SIK3: variants seen among roughly 807,000 people sequenced by gnomAD.
The protein encoded by SIK3 is serine/threonine-protein kinase SIK3.
SIK3 carries 28 observed loss-of-function variants against 144.2 expected under a neutral mutation model. That is an observed-to-expected ratio of 0.19 (90% CI 0.14 to 0.27). SIK3 has a LOEUF of 0.27. Among genes scored for constraint, SIK3 ranks in the 10% least tolerant of loss-of-function variants. The pLI, the probability that SIK3 is intolerant of heterozygous loss-of-function variation, is 1.00. For synonymous variants in SIK3, 686 were observed against 676.3 expected, an observed-to-expected ratio of 1.01 and a Z score of -0.22; for missense variants, 1,319 against 1,776.0, an observed-to-expected ratio of 0.74 and a Z score of 4.62.
rs1409697882 is a variant in SIK3 at position 116,849,560 on chromosome 11, TGA to T, written c.3656-279_3656-278del. On this transcript the variant is annotated intron_variant, in intron 21 of 24. Transcript: ENST00000445177. The surrounding 1 kb of genome is among the most constrained non-coding windows in gnomAD (Gnocchi z 4.2). ...ACCTTCTCTTCTTTCATTTCTCTGTTGAATTAACAGTGATCTATTCCCAAACC... is the reference window on the plus strand; with the variant it reads ...ACCTTCTCTTCTTTCATTTCTCTGTTATTAACAGTGATCTATTCCCAAACC... 6.6e-6 allele frequency among the ~76,000 whole-genome samples: 1 copy of T among 152,160 alleles called. No individual in the cohort carries two copies. Among genetic ancestry groups the T allele is most frequent in the Non-Finnish European group, 1.5e-5 (1 of 68,034 alleles).
Position 117,074,202 on chromosome 11 carries a change from T to C in SIK3, c.273+23941A>G, listed in dbSNP as rs535565591. On this transcript the variant is annotated intron_variant, in intron 1 of 24. Transcript: ENST00000445177. Reference sequence around the variant, plus strand: ...CTCTGCCAGTGCCTAAGTGCCTTTATGTCCCTGTAACAGGCTGATGTCCAG... The same window carrying C: ...CTCTGCCAGTGCCTAAGTGCCTTTACGTCCCTGTAACAGGCTGATGTCCAG... Among the ~76,000 whole-genome samples, 4 of 152,362 alleles carry C rather than the reference T, an allele frequency of 2.6e-5. No individual in the cohort carries two copies. In the East Asian group the frequency reaches 7.7e-4, roughly 29 times the overall value.
intron 1 of SIK3, among the ~76,000 whole-genome samples, chr11:116,970,721 G>A (rs919789893): frequency 6.6e-6 from 1 of 152,112 alleles, no homozygotes; most frequent in African/African-American, 2.4e-5. Flanking sequence ...TGTGATAATA[G>A]CTCACTGCAG....
At chr11:116,966,401 A>G (rs188303817) in intron 1 of SIK3, among the ~76,000 whole-genome samples, 6 of 152,184 alleles carry the variant, frequency 3.9e-5, no homozygotes, top group African/African-American at 7.2e-5. Context: ...TCAAAAAATA[A>G]AACAATAAAA....
chr11:116,999,184 G>C (rs559343045), intron 1 of SIK3, among the ~76,000 whole-genome samples: 1 of 152,278 alleles, frequency 6.6e-6, no homozygotes, highest in South Asian at 2.1e-4. Flanking sequence ...GAACAGTTCT[G>C]GAATCATAGG....
intron 1 of SIK3, among the ~76,000 whole-genome samples, chr11:117,096,701 A>G (rs1955489293): frequency 6.6e-6 from 1 of 151,840 alleles, no homozygotes; most frequent in Admixed American, 6.6e-5. Context: ...ACAGCCACCC[A>G]CCCTGACACC....
intron 2 of SIK3, among the ~76,000 whole-genome samples, chr11:116,956,212 C>T (rs558643631): frequency 1.3e-5 from 2 of 152,180 alleles, no homozygotes; most frequent in East Asian, 3.9e-4. Flanking sequence ...CACCAGCCTG[C>T]TAAGGCAAGG....
chr11:116,862,071 A>T, intron 17 of SIK3, 131 bp downstream of exon 17: 1 of 1,386,692 alleles, frequency 7.2e-7, no homozygotes. Flanking sequence ...GATTACCTTT[A>T]CTCAAACATG....
chr11:117,011,662 T>C (rs1271849695), intron 1 of SIK3, among the ~76,000 whole-genome samples: 1 of 152,102 alleles, frequency 6.6e-6, no homozygotes, highest in Non-Finnish European at 1.5e-5. Flanking sequence ...TTCTGCAAGG[T>C]ATAGCTGAAC....
chr11:116,907,409 G>A (rs1362797535), intron 4 of SIK3, among the ~76,000 whole-genome samples: 1 of 152,218 alleles, frequency 6.6e-6, no homozygotes, highest in East Asian at 1.9e-4. Context: ...AACTTTGGGA[G>A]GCCAAGGCTG....
Position 116,867,195 on chromosome 11 carries a change from G to A in SIK3, c.1952+751C>T, listed in dbSNP as rs1404956416. ...AACTGGTGGTGGCTTTGAACGTGTGGGCCATGAGCTTGGGGATAGCTTCGG... is the reference window on the plus strand; with the variant it reads ...AACTGGTGGTGGCTTTGAACGTGTGAGCCATGAGCTTGGGGATAGCTTCGG... On this transcript the variant is annotated intron_variant, in intron 15 of 24. Coordinates refer to ENST00000445177, the MANE Select transcript of SIK3 (RefSeq NM_001366686.3). The surrounding 1 kb of genome is among the most constrained non-coding windows in gnomAD (Gnocchi z 4.1). Among the ~76,000 whole-genome samples, 1 of 152,188 alleles carries A rather than the reference G, an allele frequency of 6.6e-6. No individual in the cohort carries two copies. The highest frequency in any genetic ancestry group is 1.5e-5 in the Non-Finnish European group (1 of 68,032).
Position 116,868,026 on chromosome 11 carries a change from T to G in SIK3, c.1872A>C (p.Pro624=), listed in dbSNP as rs1591419467. 3.2e-6 allele frequency: 5 copies of G among 1,550,532 alleles called. No individual in the cohort carries two copies. The highest frequency in any genetic ancestry group is 4.4e-6 in the Non-Finnish European group (5 of 1,146,972). The change falls in exon 15 of 25, where the codon CCA becomes CCC. Residue 624 remains proline, a synonymous_variant. Coordinates refer to ENST00000445177, the MANE Select transcript of SIK3 (RefSeq NM_001366686.3). ...GTCCTAGCTGCCGTTGTAGGTCCGG[T>G]GGGATCTCAGCTGTAGGGTTGGTCA... ...LAMTNPTAEI[P]PDLQRQLGQQ...
rs61738656 is a variant in SIK3 at position 116,858,197 on chromosome 11, G to A, written c.3268C>T (p.Arg1090Cys). The A allele has an allele frequency of 5.0e-3, 8,014 of 1,614,080 alleles. 288 individuals are homozygous for A. In the African/African-American group the frequency reaches 0.092, roughly 19 times the overall value. ...GCATTTTGATAAGATAAAGCCTGGC[G>A]CTCTGTCATGCTCTGTCCCCCAAGG... ...PSLGGQSMTERQALSYQNADS... is the reference protein window; with the variant it reads ...PSLGGQSMTECQALSYQNADS... The change falls in exon 21 of 25, where the codon CGC becomes TGC. Residue 1090 changes from arginine to cysteine, a missense_variant. This residue lies in a region of SIK3 where 646 missense variants were observed against 763.7 expected (regional missense o/e 0.85). Transcript: ENST00000445177. The surrounding 1 kb of genome is among the most constrained non-coding windows in gnomAD (Gnocchi z 5.4).
chr11:116,847,462 A>C lies in SIK3; in HGVS notation c.3952+14T>G, dbSNP rs1336951132. The C allele has an allele frequency of 1.9e-6, 3 of 1,614,094 alleles. No homozygotes were observed. The highest frequency in any genetic ancestry group is 4.5e-5 in the East Asian group (2 of 44,868). Reference sequence around the variant, plus strand: ...GGAACTTCTCTGGAGTGCCCCATGCATAAGGCTCCTCACCCTCATTTTCCC... The same window carrying C: ...GGAACTTCTCTGGAGTGCCCCATGCCTAAGGCTCCTCACCCTCATTTTCCC... On this transcript the variant is annotated intron_variant, in intron 23 of 24. Coordinates refer to ENST00000445177, the MANE Select transcript of SIK3 (RefSeq NM_001366686.3).
intron 1 of SIK3, among the ~76,000 whole-genome samples, chr11:116,975,720 C>T (rs921453483): frequency 2.0e-5 from 3 of 152,020 alleles, no homozygotes; most frequent in Admixed American, 6.6e-5. Context: ...GGGTTTATAC[C>T]TACCAGTGGA....
intron 1 of SIK3, among the ~76,000 whole-genome samples, chr11:117,078,344 C>A (rs1565622237): frequency 6.6e-6 from 1 of 151,972 alleles, no homozygotes; most frequent in African/African-American, 2.4e-5. Context: ...ATACTGCATG[C>A]CACAGGAAGG....
intron 3 of SIK3, among the ~76,000 whole-genome samples, chr11:116,938,788 A>G (rs1948130520): frequency 1.3e-5 from 2 of 152,160 alleles, no homozygotes; most frequent in Non-Finnish European, 2.9e-5. Context: ...CTCACATCAA[A>G]AGGACACAGG....
At chr11:117,018,694 A>G (rs1448735535) in intron 1 of SIK3, among the ~76,000 whole-genome samples, 1 of 147,932 alleles carries the variant, frequency 6.8e-6, no homozygotes, top group Non-Finnish European at 1.5e-5. Context: ...GAATTATTGT[A>G]TCATTGTTTT....
rs185791499 is a variant in SIK3 at position 116,923,106 on chromosome 11, G to A, written c.616+4113C>T. Among the ~76,000 whole-genome samples, 349 of 151,734 alleles carry A rather than the reference G, an allele frequency of 2.3e-3. 3 individuals are homozygous for A. The highest frequency in any genetic ancestry group is 2.5e-3 in the Non-Finnish European group (168 of 67,904). On this transcript the variant is annotated intron_variant, in intron 4 of 24. Coordinates refer to ENST00000445177, the MANE Select transcript of SIK3 (RefSeq NM_001366686.3). ...TAATTTGTGAACTTTTGTAGAGACC[G>A]GTTTTCACCACGTTGGCCAGGCTGG...
chr11:116,959,368 C>G (rs149323389), intron 1 of SIK3, among the ~76,000 whole-genome samples: 33 of 152,206 alleles, frequency 2.2e-4, no homozygotes, highest in African/African-American at 7.5e-4. Flanking sequence ...GGGTTACAAG[C>G]AATAATGGAT....
Sources: gnomAD v4.1 joint callset for allele counts (sites outside exome capture counted in the v4.1 genomes callset) on GRCh38, gnomAD v4.1.1 for gene constraint, gnomAD v4.1.1 regional missense constraint, Gnocchi (gnomAD v3.1) non-coding constraint, MANE v1.5 for transcripts, NCBI Gene and HGNC (gene_info 2026-07-23, HGNC 2026-07-21) for gene names.